SLC35F1: variants seen among roughly 807,000 people sequenced by gnomAD.
The protein encoded by SLC35F1 is chromosome 6 open reading frame 169.
In SLC35F1, 14 loss-of-function variants were observed where a neutral mutation model predicts 48.7. The observed-to-expected ratio is 0.29, with a 90% CI of 0.19 to 0.45. SLC35F1 has a LOEUF of 0.45. Ranked by LOEUF, SLC35F1 falls within the 20% of genes least tolerant of loss-of-function variation. SLC35F1 has a pLI of 1.00. For missense variants in SLC35F1, 404 were observed against 500.0 expected, an observed-to-expected ratio of 0.81 and a Z score of 1.83; for synonymous variants, 190 against 202.2, an observed-to-expected ratio of 0.94 and a Z score of 0.51.
At chr6:118,133,587 A>T (rs1298363035) in intron 1 of SLC35F1, among the ~76,000 whole-genome samples, 1 of 152,222 alleles carries the variant, frequency 6.6e-6, no homozygotes, top group Non-Finnish European at 1.5e-5. Flanking sequence ...ACATTTTCTC[A>T]TGATTTTCAT....
At chr6:118,286,666 A>G (rs909404477) in intron 7 of SLC35F1, among the ~76,000 whole-genome samples, 1 of 152,192 alleles carries the variant, frequency 6.6e-6, no homozygotes, top group African/African-American at 2.4e-5. Flanking sequence ...ATTGTACTAT[A>G]TACAGTATTT....
intron 1 of SLC35F1, among the ~76,000 whole-genome samples, chr6:118,074,524 C>T (rs948250547): frequency 8.5e-5 from 13 of 152,220 alleles, no homozygotes; most frequent in East Asian, 5.8e-4. Flanking sequence ...ATTGATGATG[C>T]GGTTGTATGA....
chr6:118,212,110 A>G (rs894525515), intron 2 of SLC35F1, among the ~76,000 whole-genome samples: 2 of 152,136 alleles, frequency 1.3e-5, no homozygotes, highest in Non-Finnish European at 2.9e-5. Context: ...TTCTTTGACC[A>G]AGAGCTGGGC....
rs547458217 is a variant in SLC35F1 at position 117,953,580 on chromosome 6, T to C, written c.173+45681T>C. Among the ~76,000 whole-genome samples the C allele has an allele frequency of 2.8e-4, 42 of 152,338 alleles. 1 individual carries two copies. The South Asian group carries it at 8.5e-3, about 31-fold the overall frequency. ...AAATCATTTTTATAGTCCACTTACC[T>C]GTCCAGAAGCATGAACAAAACCTCA... On this transcript the variant is annotated intron_variant, in intron 1 of 7. Transcript: ENST00000360388.
At chr6:118,164,992 G>A (rs975552413) in intron 2 of SLC35F1, among the ~76,000 whole-genome samples, 1 of 152,154 alleles carries the variant, frequency 6.6e-6, no homozygotes, top group Non-Finnish European at 1.5e-5. Context: ...TAGAGTCAGA[G>A]ATTTTCTGCC....
intron 1 of SLC35F1, among the ~76,000 whole-genome samples, chr6:118,105,513 G>A (rs1048346222): frequency 3.3e-5 from 5 of 152,136 alleles, no homozygotes; most frequent in South Asian, 2.1e-4. Context: ...CACTCACACC[G>A]TGGTCATTCT....
At chr6:118,209,187 A>G (rs1228805383) in intron 2 of SLC35F1, among the ~76,000 whole-genome samples, 1 of 152,142 alleles carries the variant, frequency 6.6e-6, no homozygotes, top group Non-Finnish European at 1.5e-5. Flanking sequence ...TTCTTCCTCA[A>G]ACCTAAGCCT....
chr6:118,278,782 G>A (rs1407230544), intron 6 of SLC35F1, among the ~76,000 whole-genome samples: 1 of 152,234 alleles, frequency 6.6e-6, no homozygotes, highest in African/African-American at 2.4e-5. Context: ...TGTTACCTGT[G>A]CTTGACAGCA....
intron 1 of SLC35F1, among the ~76,000 whole-genome samples, chr6:118,066,778 C>T (rs542586504): frequency 1.1e-3 from 161 of 145,606 alleles, no homozygotes; most frequent in Non-Finnish European, 1.8e-3. Context: ...CAGAGTCTCG[C>T]TCTGTCACCC....
At chr6:118,211,827 T>G (rs1296773478) in intron 2 of SLC35F1, among the ~76,000 whole-genome samples, 1 of 152,218 alleles carries the variant, frequency 6.6e-6, no homozygotes, top group Admixed American at 6.5e-5. Context: ...ATGCATTACC[T>G]AAATAATTGG....
chr6:117,941,097 C>A lies in SLC35F1; in HGVS notation c.173+33198C>A, dbSNP rs1247402114. Among the ~76,000 whole-genome samples, 6 of 152,248 alleles carry A rather than the reference C, an allele frequency of 3.9e-5. No homozygotes were observed. In the South Asian group the frequency reaches 1.0e-3, roughly 26 times the overall value. Reference sequence around the variant, plus strand: ...ATCCCTGGTCATGGTTTATCTCCTTCTTCGTTATTTTAAGACTTGGTGTCC... The same window carrying A: ...ATCCCTGGTCATGGTTTATCTCCTTATTCGTTATTTTAAGACTTGGTGTCC... On this transcript the variant is annotated intron_variant, in intron 1 of 7. Transcript: ENST00000360388.
chr6:118,238,609 A>G (rs1400718422), intron 3 of SLC35F1, among the ~76,000 whole-genome samples: 2 of 151,968 alleles, frequency 1.3e-5, no homozygotes, highest in Non-Finnish European at 2.9e-5. Flanking sequence ...TGCTAGATTT[A>G]TGTTAAAGCA....
intron 1 of SLC35F1, among the ~76,000 whole-genome samples, chr6:117,956,090 T>C (rs1776423472): frequency 6.6e-6 from 1 of 152,126 alleles, no homozygotes; most frequent in African/African-American, 2.4e-5. Context: ...TATAGGAAGA[T>C]TAAGAACCTC....
At chr6:118,295,058 C>T (rs1383191990) in intron 7 of SLC35F1, among the ~76,000 whole-genome samples, 1 of 152,080 alleles carries the variant, frequency 6.6e-6, no homozygotes, top group Non-Finnish European at 1.5e-5. Flanking sequence ...AGGTGACATC[C>T]TATGAGGACA....
chr6:118,297,805 C>T (rs1262774221), intron 7 of SLC35F1, among the ~76,000 whole-genome samples: 2 of 145,806 alleles, frequency 1.4e-5, no homozygotes, highest in African/African-American at 5.1e-5. Flanking sequence ...TTCAGTTGAG[C>T]ACTGCACCCT....
intron 3 of SLC35F1, among the ~76,000 whole-genome samples, chr6:118,258,921 T>C (rs563217131): frequency 6.6e-6 from 1 of 151,930 alleles, no homozygotes; most frequent in African/African-American, 2.4e-5. Context: ...CATAAATAAC[T>C]AAAAGAACAC....
At chr6:118,037,320 C>T (rs1054984202) in intron 1 of SLC35F1, among the ~76,000 whole-genome samples, 1 of 151,932 alleles carries the variant, frequency 6.6e-6, no homozygotes, top group Admixed American at 6.6e-5. Flanking sequence ...AAGTTTAGAC[C>T]ACTATCATTA....
At chr6:118,202,979 A>C (rs917843789) in intron 2 of SLC35F1, among the ~76,000 whole-genome samples, 3 of 152,242 alleles carry the variant, frequency 2.0e-5, no homozygotes, top group African/African-American at 7.2e-5. Flanking sequence ...CAAATTGTGC[A>C]TAAGAACCAA....
chr6:118,123,522 T>A (rs1773582540), intron 1 of SLC35F1, among the ~76,000 whole-genome samples: 1 of 152,172 alleles, frequency 6.6e-6, no homozygotes, highest in Non-Finnish European at 1.5e-5. Flanking sequence ...CTATGTGCAC[T>A]TTAAAGAGGT....
Sources: allele counts gnomAD v4.1 joint callset (sites outside exome capture counted in the v4.1 genomes callset), GRCh38; gene constraint gnomAD v4.1.1; transcripts MANE v1.5; gene names NCBI Gene and HGNC (gene_info 2026-07-23, HGNC 2026-07-21).